Variants in TAF5L observed in about 807,000 individuals in gnomAD.
The protein encoded by TAF5L is TATA-box binding protein associated factor 5 like.
Under a neutral mutation model 51.3 loss-of-function variants are expected in TAF5L, and 7 were observed. The ratio of observed to expected loss-of-function variants is 0.14; its 90% confidence interval spans 0.08 to 0.26. TAF5L has a LOEUF of 0.26. TAF5L is among the 10% of genes least tolerant of loss of function. TAF5L has a pLI of 1.00. For synonymous variants in TAF5L, 291 were observed against 308.1 expected (o/e 0.94, Z 0.58); for missense variants, 575 against 758.9 (o/e 0.76, Z 2.85).
At chr1:229,599,500 G>C (rs1202714859) in intron 4 of TAF5L, 2 of 155,202 alleles carry the variant, frequency 1.3e-5, no homozygotes, top group Non-Finnish European at 2.8e-5. Context: ...CTATGGACTT[G>C]CCTATCTGGA....
exon 5 of TAF5L, chr1:229,593,275 T>C (rs1274770840): frequency 2.6e-5 from 4 of 152,214 alleles, no homozygotes; most frequent in Non-Finnish European, 4.4e-5. Context: ...TTTCACAAAG[T>C]GTTCATTAGA....
chr1:229,619,608 A>G lies in TAF5L; in HGVS notation c.-3-5123T>C, dbSNP rs540716675. 1.2e-3 allele frequency among the ~76,000 whole-genome samples: 176 copies of G among 152,306 alleles called. 3 individuals carry two copies. The highest frequency in any genetic ancestry group is 4.1e-3 in the African/African-American group (171 of 41,556). ...TTGTTTCATCAACTACTTACCCTAC[A>G]GCCTTCCACCTACGCTATTCTAAAC... On this transcript the variant is annotated intron_variant, in intron 1 of 4. Coordinates refer to ENST00000258281, the Ensembl canonical transcript of TAF5L.
At chr1:229,604,588 G>C (rs894450706) in intron 3 of TAF5L, among the ~76,000 whole-genome samples, 1 of 152,130 alleles carries the variant, frequency 6.6e-6, no homozygotes, top group Non-Finnish European at 1.5e-5. Flanking sequence ...AGATCCCTTA[G>C]GACATCTCTG....
At chr1:229,622,057 C>G (rs1252473264) in intron 1 of TAF5L, among the ~76,000 whole-genome samples, 3 of 124,166 alleles carry the variant, frequency 2.4e-5, no homozygotes, top group Non-Finnish European at 5.3e-5. Context: ...ATCTATCTAT[C>G]TATCTATCTA....
At chr1:229,607,084 A>T (rs1197105619) in intron 3 of TAF5L, 203 of 985,262 alleles carry the variant, frequency 2.1e-4, no homozygotes, top group Non-Finnish European at 2.4e-4. Flanking sequence ...GTAGGATGCC[A>T]CTGTCATGAC....
At chr1:229,623,012 C>T (rs1039971217) in intron 1 of TAF5L, among the ~76,000 whole-genome samples, 9 of 152,170 alleles carry the variant, frequency 5.9e-5, no homozygotes, top group Admixed American at 1.3e-4. Flanking sequence ...CACGGTGGCT[C>T]GGGCCTGTAA....
intron 1 of TAF5L, 146 bp from the exon 2 acceptor site, chr1:229,614,631 G>T: frequency 1.1e-6 from 1 of 945,372 alleles, no homozygotes; most frequent in Non-Finnish European, 1.6e-6. Context: ...GCAAATCTAA[G>T]TTCCCTAATA....
At chr1:229,603,415 T>C (rs895579082) in intron 3 of TAF5L, among the ~76,000 whole-genome samples, 5 of 152,212 alleles carry the variant, frequency 3.3e-5, no homozygotes, top group African/African-American at 1.2e-4. Flanking sequence ...AACAAGTAAG[T>C]ACTGACAAGT....
At chr1:229,596,387 T>G (rs115833668) in intron 4 of TAF5L, among the ~76,000 whole-genome samples, 1 of 152,176 alleles carries the variant, frequency 6.6e-6, no homozygotes, top group Non-Finnish European at 1.5e-5. Flanking sequence ...AAGGTACAGT[T>G]ACTAGTAAAT....
chr1:229,620,849 C>T (rs1665173165), intron 1 of TAF5L, among the ~76,000 whole-genome samples: 1 of 152,150 alleles, frequency 6.6e-6, no homozygotes, highest in Non-Finnish European at 1.5e-5. Flanking sequence ...ATAGGATGTC[C>T]TGTTCTCAAA....
intron 1 of TAF5L, among the ~76,000 whole-genome samples, chr1:229,616,095 G>C (rs1664992114): frequency 6.6e-6 from 1 of 152,040 alleles, no homozygotes; most frequent in Non-Finnish European, 1.5e-5. Flanking sequence ...GCTCACTGCA[G>C]CCTCCACCTC....
chr1:229,605,799 C>T (rs1232490336), intron 3 of TAF5L, among the ~76,000 whole-genome samples: 1 of 152,186 alleles, frequency 6.6e-6, no homozygotes, highest in Non-Finnish European at 1.5e-5. Flanking sequence ...TGAACTGCAA[C>T]ACTAACTCTT....
chr1:229,608,175 T>C (rs1288211880), intron 3 of TAF5L, among the ~76,000 whole-genome samples: 2 of 152,174 alleles, frequency 1.3e-5, no homozygotes, highest in Non-Finnish European at 2.9e-5. Context: ...CCCATAATGG[T>C]ATTTTAAAGC....
chr1:229,616,375 T>TTTATTTATTA (rs1553271735), intron 1 of TAF5L, among the ~76,000 whole-genome samples: 1 of 148,206 alleles, frequency 6.7e-6, no homozygotes, highest in Admixed American at 6.7e-5. Flanking sequence ...TTTATTTATA[T>TTTATTTATTA]TTTTTTTTTT....
chr1:229,607,502 TTCC>T (rs1664639746), intron 3 of TAF5L: 12 of 982,266 alleles, frequency 1.2e-5, no homozygotes, highest in Non-Finnish European at 1.3e-5. Flanking sequence ...ATTACTCCTC[TTCC>T]TCCTCCTCTT....
intron 2 of TAF5L, among the ~76,000 whole-genome samples, chr1:229,612,990 T>A (rs575158900): frequency 2.0e-5 from 3 of 151,166 alleles, no homozygotes; most frequent in Non-Finnish European, 4.4e-5. Context: ...TCCCAGCAAT[T>A]TTTTTCCCCC....
chr1:229,610,583 G>A (rs1664752620), intron 2 of TAF5L, among the ~76,000 whole-genome samples: 1 of 152,128 alleles, frequency 6.6e-6, no homozygotes, highest in Non-Finnish European at 1.5e-5. Flanking sequence ...GGCACTTAGT[G>A]GGCCCTTTCA....
intron 4 of TAF5L, chr1:229,601,752 C>A (rs555588297): frequency 9.9e-7 from 1 of 1,012,678 alleles, no homozygotes; most frequent in South Asian, 4.0e-5. Flanking sequence ...GTTGCTGAGA[C>A]TGTGAAATGG....
chr1:229,598,039 T>C (rs1425509753), intron 4 of TAF5L, among the ~76,000 whole-genome samples: 1 of 152,214 alleles, frequency 6.6e-6, no homozygotes, highest in African/African-American at 2.4e-5. Context: ...GCTGGACTTG[T>C]GAGTGTATTA....
Sources: allele counts gnomAD v4.1 joint callset (sites outside exome capture counted in the v4.1 genomes callset), GRCh38; gene constraint gnomAD v4.1.1; transcripts MANE v1.5; gene names NCBI Gene and HGNC (gene_info 2026-07-23, HGNC 2026-07-21).